The following RANBP17 variants were observed in gnomAD, a reference collection of about 807,000 sequenced individuals.
The protein encoded by RANBP17 is ran-binding protein 17.
A neutral mutation model predicts 141.2 loss-of-function variants in RANBP17; 158 were observed. The ratio of observed to expected loss-of-function variants is 1.12; its 90% CI spans 0.98 to 1.28. The LOEUF (loss-of-function observed/expected upper bound fraction) is 1.28. Among genes scored for constraint, RANBP17 ranks in the 50% most tolerant of loss-of-function variants. The pLI, the probability that RANBP17 is intolerant of heterozygous loss-of-function variation, is 0.00. For missense variants in RANBP17, 1,438 were observed against 1,290.7 expected (o/e 1.11, Z -1.75); for synonymous variants, 430 against 450.0 (o/e 0.96, Z 0.56).
chr5:170,924,322 C>T, intron 11 of RANBP17, 35 bp from the exon 12 acceptor site: 1 of 1,410,688 alleles, frequency 7.1e-7, no homozygotes, highest in Non-Finnish European at 9.8e-7. Context: ...GCTTCACATT[C>T]TAATGTTGTC....
chr5:170,899,089 G>A (rs984719458), intron 5 of RANBP17, among the ~76,000 whole-genome samples: 1 of 152,108 alleles, frequency 6.6e-6, no homozygotes, highest in Non-Finnish European at 1.5e-5. Flanking sequence ...GGATAGCTTT[G>A]AATCTATAAA....
chr5:170,992,522 T>C (rs1409072573), intron 14 of RANBP17, among the ~76,000 whole-genome samples: 1 of 152,038 alleles, frequency 6.6e-6, no homozygotes, highest in East Asian at 1.9e-4. Flanking sequence ...CTTAACAGAA[T>C]TATGAATGCT....
At chr5:171,278,187 C>T (rs1266472748) in intron 25 of RANBP17, among the ~76,000 whole-genome samples, 1 of 151,744 alleles carries the variant, frequency 6.6e-6, no homozygotes, top group Non-Finnish European at 1.5e-5. Flanking sequence ...GGGTTCCTGA[C>T]CAGCCTGGGC....
chr5:171,294,362 C>T (rs1474432554), intron 26 of RANBP17, among the ~76,000 whole-genome samples: 1 of 152,190 alleles, frequency 6.6e-6, no homozygotes, highest in African/African-American at 2.4e-5. Context: ...TAGGTGGTGA[C>T]AGCAGCAGCC....
At chr5:171,005,083 CT>C (rs1390243105) in intron 14 of RANBP17, among the ~76,000 whole-genome samples, 1 of 152,012 alleles carries the variant, frequency 6.6e-6, no homozygotes, top group Non-Finnish European at 1.5e-5. Flanking sequence ...ATTTTTGAAG[CT>C]TTTTTCTAAT....
At chr5:170,984,577 G>GT (rs1777991562) in intron 14 of RANBP17, among the ~76,000 whole-genome samples, 1 of 151,924 alleles carries the variant, frequency 6.6e-6, no homozygotes, top group Non-Finnish European at 1.5e-5. Context: ...AGTGAGCTGT[G>GT]ATCACACCAG....
intron 14 of RANBP17, among the ~76,000 whole-genome samples, chr5:171,018,200 C>T (rs1366745165): frequency 6.6e-6 from 1 of 152,064 alleles, no homozygotes; most frequent in African/African-American, 2.4e-5. Context: ...ATGCCTCCAG[C>T]TTTGTTCTTT....
intron 24 of RANBP17, among the ~76,000 whole-genome samples, chr5:171,258,118 T>TACACACACACAC (rs34304503): frequency 7.8e-6 from 1 of 128,286 alleles, no homozygotes; most frequent in Non-Finnish European, 1.6e-5. Context: ...AAAAAAAAAA[T>TACACACACACAC]ACACACACAC....
At position 171,036,382 on chromosome 5, in the gene RANBP17, A is replaced by T. The variant is rs568613005; in HGVS notation, c.1710+68005A>T. Among the ~76,000 whole-genome samples the T allele has an allele frequency of 5.5e-4, 83 of 151,860 alleles. 1 individual carries two copies. Among genetic ancestry groups the T allele is most frequent in the Non-Finnish European group, 1.2e-4 (8 of 67,946 alleles). On this transcript the variant is annotated intron_variant, in intron 14 of 27. Coordinates refer to ENST00000523189, the MANE Select transcript of RANBP17 (RefSeq NM_022897.5). ...CAATTTCCTTCTTTTTTATGGTTGC[A>T]TAGTAGTCTATGGTGTATATATGCT...
intron 12 of RANBP17, among the ~76,000 whole-genome samples, chr5:170,925,592 A>C (rs1011038546): frequency 2.0e-5 from 3 of 152,176 alleles, no homozygotes; most frequent in Admixed American, 6.6e-5. Context: ...TGCTTAAAGA[A>C]TAGGTCGTTT....
rs147983350 is a variant in RANBP17, at chr5:171,047,269, C to T, written c.1710+78892C>T. The stretch of plus-strand genomic sequence containing the variant: ...CTGACCTCATGTGATCCACCCACCT[C>T]GGCACCCCAAAGTGTTGGGATTACA... On this transcript the variant is annotated intron_variant, in intron 14 of 27. Coordinates refer to ENST00000523189, the MANE Select transcript of RANBP17 (RefSeq NM_022897.5). Among the ~76,000 whole-genome samples, 1,466 of 151,644 alleles carry T rather than the reference C, an allele frequency of 9.7e-3. 18 individuals carry two copies. The highest frequency in any genetic ancestry group is 0.014 in the Non-Finnish European group (917 of 67,896).
At chr5:171,011,633 T>C (rs1023681202) in intron 14 of RANBP17, among the ~76,000 whole-genome samples, 1 of 151,962 alleles carries the variant, frequency 6.6e-6, no homozygotes, top group Non-Finnish European at 1.5e-5. Flanking sequence ...ATATATAACC[T>C]TTTTTTGGTA....
At position 171,086,749 on chromosome 5, in the gene RANBP17, G is replaced by T. The variant is rs1264632009; in HGVS notation, c.1711-83381G>T. ...CTTCTAGATTTTCTAGTTTATTTGC[G>T]TAGAGGTGTTTGTAGTATTCCCTGA... is the stretch of plus-strand genomic sequence containing the variant. On this transcript the variant is annotated intron_variant, in intron 14 of 27. Coordinates refer to ENST00000523189, the MANE Select transcript of RANBP17 (RefSeq NM_022897.5). 2.0e-5 allele frequency among the ~76,000 whole-genome samples: 3 copies of T among 148,340 alleles called. No homozygotes were observed. The East Asian group carries it at 5.9e-4, about 29-fold the overall frequency.
intron 21 of RANBP17, among the ~76,000 whole-genome samples, chr5:171,218,038 T>C (rs1018399749): frequency 6.6e-6 from 1 of 152,240 alleles, no homozygotes; most frequent in Admixed American, 6.5e-5. Context: ...GTGCTATAAA[T>C]TTCCCACCTA....
intron 14 of RANBP17, among the ~76,000 whole-genome samples, chr5:171,101,886 G>A (rs978154144): frequency 6.6e-6 from 1 of 152,154 alleles, no homozygotes; most frequent in Non-Finnish European, 1.5e-5. Flanking sequence ...ATTCTGGCTT[G>A]AAAATTCTTT....
chr5:171,211,515 GC>G lies in RANBP17; in HGVS notation c.2232-2114del, dbSNP rs566280006. On this transcript the variant is annotated intron_variant, in intron 20 of 27. Transcript: ENST00000523189. ...GGCCTCAAGTGATCCACCCACCTCA[GC>G]CTCCCAAAGTGCTAGGATTATAGGT... 8.5e-5 allele frequency among the ~76,000 whole-genome samples: 13 copies of G among 152,066 alleles called. No individual in the cohort carries two copies. In the South Asian group the frequency reaches 2.7e-3, roughly 32 times the overall value.
chr5:170,868,527 C>A (rs1767455676), intron 1 of RANBP17, among the ~76,000 whole-genome samples: 1 of 152,130 alleles, frequency 6.6e-6, no homozygotes, highest in Admixed American at 6.5e-5. Flanking sequence ...CCACCTTGGC[C>A]CCTCAAAGTG....
chr5:171,175,418 G>A (rs551024629), intron 16 of RANBP17, among the ~76,000 whole-genome samples: 15 of 152,210 alleles, frequency 9.9e-5, no homozygotes, highest in African/African-American at 1.7e-4. Context: ...GTGTAAAAGC[G>A]TTCCTGTTTC....
intron 4 of RANBP17, among the ~76,000 whole-genome samples, chr5:170,893,818 G>C (rs1007727392): frequency 6.6e-6 from 1 of 151,810 alleles, no homozygotes; most frequent in African/African-American, 2.4e-5. Context: ...AAAAATCCAT[G>C]CTCTGTTAGT....
Sources: allele counts gnomAD v4.1 joint callset (sites outside exome capture counted in the v4.1 genomes callset), GRCh38; gene constraint gnomAD v4.1.1; transcripts MANE v1.5; gene names NCBI Gene and HGNC (gene_info 2026-07-23, HGNC 2026-07-21).